Variants in CUL3 observed in about 807,000 individuals in gnomAD.
CUL3 encodes the protein cullin 3, also known as cullin-3.
A neutral mutation model predicts 89.1 loss-of-function variants in CUL3; 19 were observed. The observed-to-expected ratio is 0.21, with a 90% confidence interval of 0.15 to 0.31. The LOEUF (loss-of-function observed/expected upper bound fraction) is 0.31, where lower values mean the gene tolerates loss of function less well. Ranked by LOEUF, CUL3 falls within the 10% of genes least tolerant of loss-of-function variation. CUL3 has a pLI of 1.00. For synonymous variants in CUL3, 351 were observed against 308.4 expected (o/e 1.14, Z -1.45); for missense variants, 469 against 942.3 (o/e 0.50, Z 6.58).
chr2:224,521,260 T>C (rs567464243), intron 3 of CUL3, among the ~76,000 whole-genome samples: 2 of 152,348 alleles, frequency 1.3e-5, no homozygotes, highest in South Asian at 4.1e-4. Context: ...ATGTTTCATT[T>C]GTAACTATGA....
chr2:224,513,935 T>C (rs1692938527), intron 4 of CUL3, among the ~76,000 whole-genome samples: 1 of 152,192 alleles, frequency 6.6e-6, no homozygotes, highest in African/African-American at 2.4e-5. Flanking sequence ...GAGAGGGAGA[T>C]AGGCAGATTA....
At chr2:224,500,730 A>G (rs1395387540) in intron 10 of CUL3, among the ~76,000 whole-genome samples, 1 of 150,310 alleles carries the variant, frequency 6.7e-6, no homozygotes, top group African/African-American at 2.5e-5. Flanking sequence ...GGTTCAAACG[A>G]TTCTCCTGCC....
At chr2:224,516,881 G>A (rs1012327788) in intron 3 of CUL3, among the ~76,000 whole-genome samples, 7 of 152,036 alleles carry the variant, frequency 4.6e-5, no homozygotes, top group East Asian at 1.9e-4. Context: ...TCCTAACCTC[G>A]TGATCCACCC....
chr2:224,542,192 T>C lies in CUL3; in HGVS notation c.265-6551A>G, dbSNP rs138046153. Among the ~76,000 whole-genome samples, 19 of 152,336 alleles carry C rather than the reference T, an allele frequency of 1.2e-4. No homozygotes were observed. In the East Asian group the frequency reaches 3.7e-3, roughly 29 times the overall value. Reference sequence around the variant, plus strand: ...AAAGAATTGTTAAACAATTTGAGTATATCAACCTTATGAACCACTCTGCAA... The same window carrying C: ...AAAGAATTGTTAAACAATTTGAGTACATCAACCTTATGAACCACTCTGCAA... On this transcript the variant is annotated intron_variant, in intron 2 of 15. Coordinates refer to ENST00000264414, the MANE Select transcript of CUL3 (RefSeq NM_003590.5).
Position 224,495,649 on chromosome 2 carries a change from T to G in CUL3, c.1842+183A>C, listed in dbSNP as rs186067035. On this transcript the variant is annotated intron_variant, in intron 13 of 15. Coordinates refer to ENST00000264414, the MANE Select transcript of CUL3 (RefSeq NM_003590.5). ...TATAAAAGTACTTCTATAAAGTTAATTTAAAAATAAGACATAACTCAATAC... is the reference window on the plus strand; with the variant it reads ...TATAAAAGTACTTCTATAAAGTTAAGTTAAAAATAAGACATAACTCAATAC... 1.1e-5 allele frequency: 5 copies of G among 447,828 alleles called. No individual in the cohort carries two copies. In the Admixed American group the frequency reaches 1.6e-4, roughly 14 times the overall value. 27.7% of individuals were successfully genotyped at this position (447,828 alleles called of 1,614,324 possible).
chr2:224,530,098 G>A (rs1293224616), intron 3 of CUL3, among the ~76,000 whole-genome samples: 1 of 152,058 alleles, frequency 6.6e-6, no homozygotes, highest in Non-Finnish European at 1.5e-5. Flanking sequence ...AATTAGCCGG[G>A]CGTGGTGGCA....
intron 14 of CUL3, 50 bp from the exon 15 acceptor site, chr2:224,478,395 T>A (rs2106143910): frequency 6.4e-7 from 1 of 1,564,540 alleles, no homozygotes; most frequent in Non-Finnish European, 8.7e-7. Flanking sequence ...TAAAATTTGG[T>A]TTATAAGCAA....
intron 3 of CUL3, among the ~76,000 whole-genome samples, chr2:224,523,770 C>T (rs948281365): frequency 6.6e-6 from 1 of 152,100 alleles, no homozygotes; most frequent in Non-Finnish European, 1.5e-5. Context: ...TGCCGTAATA[C>T]GATGAACCTT....
chr2:224,583,396 A>C (rs1159336004), intron 1 of CUL3, among the ~76,000 whole-genome samples: 1 of 152,200 alleles, frequency 6.6e-6, no homozygotes, highest in African/African-American at 2.4e-5. Context: ...TACAACTATT[A>C]ACTTCATAAA....
intron 13 of CUL3, among the ~76,000 whole-genome samples, chr2:224,483,933 T>C (rs569663576): frequency 2.0e-5 from 3 of 152,302 alleles, no homozygotes; most frequent in Admixed American, 6.5e-5. Context: ...CTCACGCCTG[T>C]AATCCCAGCA....
chr2:224,534,641 C>T (rs1348864047), intron 3 of CUL3, among the ~76,000 whole-genome samples: 4 of 152,004 alleles, frequency 2.6e-5, no homozygotes, highest in African/African-American at 9.7e-5. Flanking sequence ...AAATCATTCC[C>T]TTTCAGTTTC....
At chr2:224,505,048 C>A (rs1393143190) in intron 8 of CUL3, among the ~76,000 whole-genome samples, 2 of 152,012 alleles carry the variant, frequency 1.3e-5, no homozygotes, top group African/African-American at 4.8e-5. Context: ...ACACTCTCTA[C>A]TAGAAAGTTT....
chr2:224,536,928 TAC>T (rs1279472547), intron 2 of CUL3, among the ~76,000 whole-genome samples: 1 of 152,242 alleles, frequency 6.6e-6, no homozygotes, highest in Non-Finnish European at 1.5e-5. Flanking sequence ...TGCCAACTTC[TAC>T]AGTTATTCAA....
At chr2:224,521,931 C>A (rs1693281012) in intron 3 of CUL3, among the ~76,000 whole-genome samples, 1 of 152,006 alleles carries the variant, frequency 6.6e-6, no homozygotes, top group South Asian at 2.1e-4. Flanking sequence ...ACATCTGTAA[C>A]TGTTTTTGTC....
intron 1 of CUL3, among the ~76,000 whole-genome samples, chr2:224,559,921 A>T (rs1311741190): frequency 6.6e-6 from 1 of 152,034 alleles, no homozygotes; most frequent in Non-Finnish European, 1.5e-5. Flanking sequence ...ATCTCTACTA[A>T]AAATACAAAA....
At chr2:224,490,710 G>GAAA (rs5839067) in intron 13 of CUL3, among the ~76,000 whole-genome samples, 2 of 142,768 alleles carry the variant, frequency 1.4e-5, no homozygotes, top group African/African-American at 2.6e-5. Context: ...GAGCTTTAAA[G>GAAA]AAAAAAAAAA....
chr2:224,538,236 T>C (rs939345194), intron 2 of CUL3, among the ~76,000 whole-genome samples: 1 of 152,230 alleles, frequency 6.6e-6, no homozygotes, highest in African/African-American at 2.4e-5. Flanking sequence ...TTCAGATTAC[T>C]CTATGAACAA....
At chr2:224,510,517 A>G (rs959678866) in intron 6 of CUL3, among the ~76,000 whole-genome samples, 1 of 152,002 alleles carries the variant, frequency 6.6e-6, no homozygotes, top group Non-Finnish European at 1.5e-5. Flanking sequence ...TGACCCCAAC[A>G]GGCAATATGT....
intron 1 of CUL3, among the ~76,000 whole-genome samples, chr2:224,567,697 G>A (rs1263112176): frequency 1.3e-5 from 2 of 151,436 alleles, no homozygotes; most frequent in African/African-American, 4.9e-5. Flanking sequence ...CCGAGATTGT[G>A]CCACTGCACT....
Sources: gnomAD v4.1 joint callset for allele counts (sites outside exome capture counted in the v4.1 genomes callset) on GRCh38, gnomAD v4.1.1 for gene constraint, MANE v1.5 for transcripts, NCBI Gene and HGNC (gene_info 2026-07-23, HGNC 2026-07-21) for gene names.